Variants in DNAJC24 observed in about 807,000 individuals in gnomAD.
The protein encoded by DNAJC24 is DnaJ heat shock protein family (Hsp40) member C24.
Under a neutral mutation model 18.0 loss-of-function variants are expected in DNAJC24, and 17 were observed. The observed-to-expected ratio is 0.94, with a 90% CI of 0.65 to 1.42. The LOEUF is 1.42. DNAJC24 is among the 40% of genes most tolerant of loss of function. DNAJC24 has a pLI of 0.00. For synonymous variants in DNAJC24, 55 were observed against 57.7 expected, an observed-to-expected ratio of 0.95 and a Z score of 0.21; for missense variants, 158 against 175.6, an observed-to-expected ratio of 0.90 and a Z score of 0.57.
chr11:31,399,292 G>A (rs1286756326), intron 2 of DNAJC24, among the ~76,000 whole-genome samples: 1 of 152,102 alleles, frequency 6.6e-6, no homozygotes, highest in Non-Finnish European at 1.5e-5. Flanking sequence ...GTATATTATA[G>A]AGGTTTTAAA....
chr11:31,376,914 G>A (rs1952321235), intron 2 of DNAJC24, among the ~76,000 whole-genome samples: 1 of 152,000 alleles, frequency 6.6e-6, no homozygotes, highest in South Asian at 2.1e-4. Context: ...CATAAGTTTA[G>A]ACTTTCTAAT....
At chr11:31,398,351 A>G (rs1952564442) in intron 2 of DNAJC24, among the ~76,000 whole-genome samples, 2 of 152,122 alleles carry the variant, frequency 1.3e-5, no homozygotes, top group Admixed American at 1.3e-4. Context: ...ATGTAATCCC[A>G]TCATTAATTT....
intron 3 of DNAJC24, chr11:31,416,988 T>A (rs1414446402): frequency 2.6e-5 from 4 of 152,092 alleles, no homozygotes; most frequent in Non-Finnish European, 5.9e-5. Context: ...ACAATGAAGT[T>A]TAGACAAAGT....
chr11:31,414,785 C>T, intron 2 of DNAJC24, 26 bp from the exon 3 acceptor site: 1 of 1,608,524 alleles, frequency 6.2e-7, no homozygotes, highest in Non-Finnish European at 8.5e-7. Flanking sequence ...CTACTCACCC[C>T]CTGCACCCTT....
At chr11:31,420,892 T>C (rs1952797616) in intron 3 of DNAJC24, among the ~76,000 whole-genome samples, 1 of 152,196 alleles carries the variant, frequency 6.6e-6, no homozygotes, top group Admixed American at 6.5e-5. Flanking sequence ...GCTGCTGTTT[T>C]ACCTGTTTTA....
intron 2 of DNAJC24, among the ~76,000 whole-genome samples, chr11:31,407,698 A>ATATAT (rs1487781994): frequency 6.1e-5 from 7 of 113,878 alleles, no homozygotes; most frequent in African/African-American, 1.3e-4. Flanking sequence ...AAAAAAAAAA[A>ATATAT]AAAAAAAAAT....
chr11:31,382,989 A>G (rs1952392147), intron 2 of DNAJC24, among the ~76,000 whole-genome samples: 1 of 152,136 alleles, frequency 6.6e-6, no homozygotes, highest in Non-Finnish European at 1.5e-5. Flanking sequence ...ATTTACTTGT[A>G]TTTACATACT....
intron 2 of DNAJC24, among the ~76,000 whole-genome samples, chr11:31,406,546 A>G (rs1020723256): frequency 6.6e-6 from 1 of 152,218 alleles, no homozygotes; most frequent in Non-Finnish European, 1.5e-5. Flanking sequence ...TAAAGCTTGA[A>G]TGGTAGGTTG....
chr11:31,426,330 T>C lies in DNAJC24; in HGVS notation c.294T>C (p.Tyr98=). Residue 98 remains tyrosine, a synonymous_variant, in exon 4 of 5, where the codon TAT becomes TAC. Coordinates refer to ENST00000465995, the MANE Select transcript of DNAJC24 (RefSeq NM_181706.5). ...TAGGACCAGTAGATGCTCAAGTATA[T>C]CTTGAAGAAATGTCTTGGAATGAAG... ...RNVGPVDAQV[Y]LEEMSWNEGD... is the part of the protein sequence containing the mutation. 1 of 1,568,752 alleles carries C rather than the reference T, an allele frequency of 6.4e-7. No individual in the cohort carries two copies. The highest frequency in any genetic ancestry group is 8.6e-7 in the Non-Finnish European group (1 of 1,160,132).
At chr11:31,388,456 A>G (rs1304804895) in intron 2 of DNAJC24, among the ~76,000 whole-genome samples, 1 of 152,198 alleles carries the variant, frequency 6.6e-6, no homozygotes, top group Non-Finnish European at 1.5e-5. Context: ...AGGAAAGAGT[A>G]GCATGACATA....
At chr11:31,406,684 T>C (rs1481483853) in intron 2 of DNAJC24, among the ~76,000 whole-genome samples, 1 of 152,140 alleles carries the variant, frequency 6.6e-6, no homozygotes, top group Admixed American at 6.6e-5. Flanking sequence ...TGAGTGACTT[T>C]GAAGCAGGTA....
chr11:31,417,590 CA>C (rs1486915962), intron 3 of DNAJC24, among the ~76,000 whole-genome samples: 2 of 152,140 alleles, frequency 1.3e-5, no homozygotes, highest in African/African-American at 2.4e-5. Flanking sequence ...CTTTGTTATA[CA>C]GAACTCTTTT....
chr11:31,421,913 T>C (rs1414195987), intron 3 of DNAJC24: 5 of 428,788 alleles, frequency 1.2e-5, no homozygotes, highest in Non-Finnish European at 2.3e-5. Flanking sequence ...TTATTTAATG[T>C]TATTCTTCAG....
intron 2 of DNAJC24, among the ~76,000 whole-genome samples, chr11:31,396,737 G>A (rs1952545355): frequency 6.6e-6 from 1 of 152,082 alleles, no homozygotes; most frequent in African/African-American, 2.4e-5. Context: ...TCCCTATCAT[G>A]AAAATAATGT....
At chr11:31,379,979 A>T (rs1030597570) in intron 2 of DNAJC24, among the ~76,000 whole-genome samples, 3 of 152,148 alleles carry the variant, frequency 2.0e-5, no homozygotes, top group African/African-American at 7.2e-5. Flanking sequence ...CATGTTAGCC[A>T]AGCTGGTCTT....
chr11:31,384,549 A>G (rs1016562352), intron 2 of DNAJC24: 4 of 152,258 alleles, frequency 2.6e-5, no homozygotes, highest in African/African-American at 4.8e-5. Flanking sequence ...TGGCCTCTCT[A>G]TATGAGTTGC....
At chr11:31,415,115 A>G in intron 3 of DNAJC24, 166 bp downstream of exon 3, 1 of 674,304 alleles carries the variant, frequency 1.5e-6, no homozygotes, top group Non-Finnish European at 2.3e-6. Context: ...AGCAGTGACT[A>G]TTGTGTATCC....
At chr11:31,379,531 C>T (rs191356836) in intron 2 of DNAJC24, among the ~76,000 whole-genome samples, 196 of 152,240 alleles carry the variant, frequency 1.3e-3, no homozygotes, top group African/African-American at 4.6e-3. Context: ...CTGTAAGTAA[C>T]TTTTGGCAAC....
chr11:31,397,603 A>G (rs962487542), intron 2 of DNAJC24, among the ~76,000 whole-genome samples: 5 of 152,068 alleles, frequency 3.3e-5, no homozygotes, highest in Non-Finnish European at 7.4e-5. Context: ...AGCATCTCAT[A>G]GAAAATAAAG....
Sources: allele counts gnomAD v4.1 joint callset (sites outside exome capture counted in the v4.1 genomes callset), GRCh38; gene constraint gnomAD v4.1.1; transcripts MANE v1.5; gene names NCBI Gene and HGNC (gene_info 2026-07-23, HGNC 2026-07-21).